The following PRDM15 variants were observed in gnomAD, a reference collection of about 807,000 sequenced individuals.
The protein encoded by PRDM15 is PR domain zinc finger protein 15.
Under a neutral mutation model 128.6 loss-of-function variants are expected in PRDM15, and 64 were observed. The ratio of observed to expected loss-of-function variants is 0.50; its 90% confidence interval spans 0.41 to 0.61. The LOEUF is 0.61. Ranked by LOEUF, PRDM15 falls within the 20% of genes least tolerant of loss-of-function variation. The probability of loss-of-function intolerance (pLI) is 0.00; values close to 1 mark genes in which losing one functional copy is unlikely to be tolerated. For synonymous variants in PRDM15, 615 were observed against 621.8 expected (o/e 0.99, Z 0.16); for missense variants, 1,242 against 1,569.1 (o/e 0.79, Z 3.52).
chr21:41,804,783 G>C, intron 21 of PRDM15, 169 bp from the exon 22 acceptor site: 1 of 542,798 alleles, frequency 1.8e-6, no homozygotes, highest in Non-Finnish European at 3.2e-6. Context: ...GAAACTCTGT[G>C]TCCAGAAGCC....
In PRDM15 at chr21:41,828,586, G is replaced by GCCA. The variant is rs1568937559; in HGVS notation, c.1367-254_1367-253insTGG. On this transcript the variant is annotated intron_variant, in intron 11 of 23. Transcript: ENST00000398548. This position sits in a 1 kb window ranked among gnomAD's most constrained non-coding sequence, Gnocchi z 5.7. ...CTTTCATCACCAAGCAACGCCAGCC[G>GCCA]CCTCCCTCCCGGGCCACCCTGCCCC... is the stretch of plus-strand genomic sequence containing the variant. Among the ~76,000 whole-genome samples, 1 of 151,590 alleles carries GCCA rather than the reference G, an allele frequency of 6.6e-6. No individual in the cohort carries two copies. Among genetic ancestry groups the GCCA allele is most frequent in the Admixed American group, 6.6e-5 (1 of 15,240 alleles).
chr21:41,854,804 G>A lies in PRDM15; in HGVS notation c.300C>T (p.Asp100=), dbSNP rs773784617. Reference sequence around the variant, plus strand: ...AGGTGTCGAAGCACACGGGGTGCCCGTCCTTCTGGAACACCTGAAGGTGAG... The same window carrying A: ...AGGTGTCGAAGCACACGGGGTGCCCATCCTTCTGGAACACCTGAAGGTGAG... ...SAFPLKVFQK[D]GHPVCFDTSN... Residue 100 remains aspartate, a synonymous_variant, in exon 5 of 24, where the codon GAC becomes GAT. Transcript: ENST00000398548. The surrounding 1 kb of genome is among the most constrained non-coding windows in gnomAD (Gnocchi z 4.6). 1.1e-4 allele frequency: 171 copies of A among 1,601,474 alleles called. No homozygotes were observed. Among genetic ancestry groups the A allele is most frequent in the East Asian group, 1.3e-4 (6 of 44,514 alleles).
intron 18 of PRDM15, 33 bp from the exon 19 acceptor site, chr21:41,815,869 A>AC: frequency 6.2e-7 from 1 of 1,607,362 alleles, no homozygotes; most frequent in Non-Finnish European, 8.5e-7. Flanking sequence ...AGGCGGCCAC[A>AC]CCCCCACGCA....
At chr21:41,813,693 T>C (rs2061938286) in intron 19 of PRDM15, 1 of 152,456 alleles carries the variant, frequency 6.6e-6, no homozygotes, top group Non-Finnish European at 1.5e-5. Context: ...TTTATGAGAA[T>C]GGCCTTGTAT....
chr21:41,866,378 T>C (rs572718948), intron 1 of PRDM15, among the ~76,000 whole-genome samples: 6 of 152,398 alleles, frequency 3.9e-5, no homozygotes, highest in East Asian at 1.9e-4. Context: ...AAGGTTCCAA[T>C]GCTACCACAA....
Position 41,840,794 on chromosome 21 carries a change from T to TA in PRDM15, c.641-942dup, listed in dbSNP as rs908172745. The stretch of plus-strand genomic sequence containing the variant: ...TAAAGAAGGGTTAAAAAACACATAT[T>TA]AAAAAAAAGCAAGGGCATGCTGAAT... On this transcript the variant is annotated intron_variant, in intron 6 of 23. Transcript: ENST00000398548. Among the ~76,000 whole-genome samples the TA allele has an allele frequency of 1.6e-3, 235 of 151,112 alleles. 1 individual carries two copies. The highest frequency in any genetic ancestry group is 5.5e-3 in the African/African-American group (227 of 41,178).
chr21:41,810,618 T>C lies in PRDM15; in HGVS notation c.2476+135A>G. 2 of 724,814 alleles carry C rather than the reference T, an allele frequency of 2.8e-6. No homozygotes were observed. The highest frequency in any genetic ancestry group is 1.7e-5 in the South Asian group (1 of 58,830). The allele number at this position is 724,814 out of a possible 1,614,324, so 44.9% of individuals were successfully genotyped here. The stretch of plus-strand genomic sequence containing the variant: ...ACCTTCAGAGGCCAAGGGGCCACCA[T>C]GAAGCCAAGACAACACTAAATGTGC... On this transcript the variant is annotated intron_variant, in intron 20 of 23. Coordinates refer to ENST00000398548, the MANE Select transcript of PRDM15 (RefSeq NM_001040424.3). The surrounding 1 kb of genome is among the most constrained non-coding windows in gnomAD (Gnocchi z 6.4).
intron 5 of PRDM15, among the ~76,000 whole-genome samples, chr21:41,850,391 C>T (rs2063392485): frequency 1.3e-5 from 2 of 149,698 alleles, no homozygotes; most frequent in South Asian, 4.2e-4. Flanking sequence ...CATCTGTCAG[C>T]AGGTTCAGGT....
intron 1 of PRDM15, chr21:41,878,817 C>G (rs2064521612): frequency 8.6e-7 from 1 of 1,157,170 alleles, no homozygotes; most frequent in South Asian, 3.7e-5. Context: ...CGACGCCGCC[C>G]GGCGGCGGGG....
chr21:41,867,184 A>C, intron 1 of PRDM15: 1 of 714,846 alleles, frequency 1.4e-6, no homozygotes, highest in South Asian at 1.8e-5. Context: ...TTTTCTATTC[A>C]CACACAGAGT....
In PRDM15 at chr21:41,821,993, G is replaced by A. The variant is rs1213319533; in HGVS notation, c.1806C>T (p.Gly602=). The change falls in exon 15 of 24, where the codon GGC becomes GGT. Residue 602 remains glycine (G), a synonymous_variant. Coordinates refer to ENST00000398548, the MANE Select transcript of PRDM15 (RefSeq NM_001040424.3). The surrounding 1 kb of genome is among the most constrained non-coding windows in gnomAD (Gnocchi z 5.4). ...TTTCTTCCGAGGAGATCCCGATCTT[G>A]CCGATAAACTCTTCCCTCTGGTGGT... The part of the protein sequence containing the change: ...MDDHQREEFI[G]KIGISSEEND... The A allele has an allele frequency of 1.2e-6, 2 of 1,614,166 alleles. No individual in the cohort carries two copies. The highest frequency in any genetic ancestry group is 1.7e-5 in the Admixed American group (1 of 60,032).
intron 12 of PRDM15, among the ~76,000 whole-genome samples, chr21:41,827,207 C>T (rs895468852): frequency 6.6e-6 from 1 of 152,008 alleles, no homozygotes; most frequent in African/African-American, 2.4e-5. Flanking sequence ...AAAACGTTGT[C>T]GGTCTTTATG....
intron 11 of PRDM15, among the ~76,000 whole-genome samples, chr21:41,830,526 C>T (rs1423456266): frequency 1.3e-5 from 2 of 151,104 alleles, no homozygotes; most frequent in Admixed American, 6.6e-5. Flanking sequence ...AAATACACAC[C>T]ACACACGAAT....
intron 3 of PRDM15, 124 bp from the exon 4 acceptor site, chr21:41,857,453 T>A: frequency 9.5e-7 from 1 of 1,051,100 alleles, no homozygotes; most frequent in Non-Finnish European, 1.4e-6. Context: ...ATTCTCCAGG[T>A]GATAAAATAG....
rs942010563 is a variant in PRDM15 at position 41,828,099 on chromosome 21, T to C, written c.1534+67A>G. ...CCCAAAGGCCCTGCTGACTGCTCCA[T>C]GCCGCCCTGCCCCACCCCGCAGGAG... On this transcript the variant is annotated intron_variant, in intron 12 of 23. Coordinates refer to ENST00000398548, the MANE Select transcript of PRDM15 (RefSeq NM_001040424.3). The surrounding 1 kb of genome is among the most constrained non-coding windows in gnomAD (Gnocchi z 5.7). 1.3e-6 allele frequency: 2 copies of C among 1,568,496 alleles called. No homozygotes were observed. Among genetic ancestry groups the C allele is most frequent in the Non-Finnish European group, 1.7e-6 (2 of 1,148,514 alleles).
Position 41,815,738 on chromosome 21 carries a change from C to A in PRDM15, c.2359G>T (p.Val787Phe). 2 of 1,614,072 alleles carry A rather than the reference C, an allele frequency of 1.2e-6. No individual in the cohort carries two copies. Among genetic ancestry groups the A allele is most frequent in the South Asian group, 1.1e-5 (1 of 91,088 alleles). Residue 787 changes from valine to phenylalanine, a missense_variant, in exon 19 of 24, where the codon GTC (valine) becomes TTC (phenylalanine). By Grantham distance (50) the Val-to-Phe change is conservative (BLOSUM62 -1). This residue lies in a region of PRDM15 where 602 missense variants were observed against 788.3 expected (regional missense o/e 0.76). Coordinates refer to ENST00000398548, the MANE Select transcript of PRDM15 (RefSeq NM_001040424.3). ...KECHRRFAQKVNMLKHCKRHT... is the reference protein window; with the variant it reads ...KECHRRFAQKFNMLKHCKRHT... ...CGCTTGCAGTGCTTGAGCATGTTGA[C>A]CTTCTGCGCGAACCTGCGGTGGCAC...
intron 10 of PRDM15, 150 bp downstream of exon 10, chr21:41,835,963 G>GGGTTTGGCCGCTCTCCTCCCCC: frequency 8.6e-6 from 1 of 115,682 alleles, no homozygotes; most frequent in South Asian, 8.3e-5. Flanking sequence ...CTCCCCCACA[G>GGGTTTGGCCGCTCTCCTCCCCC]CCCCCGCCCA....
At chr21:41,873,379 G>A (rs1236600239) in intron 1 of PRDM15, among the ~76,000 whole-genome samples, 2 of 152,188 alleles carry the variant, frequency 1.3e-5, no homozygotes, top group African/African-American at 4.8e-5. Context: ...ACGGCCACTG[G>A]TCACTTTCAC....
At chr21:41,827,398 G>A (rs2146463304) in intron 12 of PRDM15, among the ~76,000 whole-genome samples, 1 of 152,272 alleles carries the variant, frequency 6.6e-6, no homozygotes, top group East Asian at 1.9e-4. Flanking sequence ...GTCTTGCTCT[G>A]GAAAGCAGTG....
Sources: gnomAD v4.1 joint callset for allele counts (sites outside exome capture counted in the v4.1 genomes callset) on GRCh38, gnomAD v4.1.1 for gene constraint, gnomAD v4.1.1 regional missense constraint, Gnocchi (gnomAD v3.1) non-coding constraint, MANE v1.5 for transcripts, NCBI Gene and HGNC (gene_info 2026-07-23, HGNC 2026-07-21) for gene names.